Variants in HIPK2 observed in about 807,000 individuals in gnomAD.
The protein encoded by HIPK2 is homeodomain interacting protein kinase 2, also known as homeodomain-interacting protein kinase 2.
HIPK2 carries 27 observed loss-of-function variants against 113.7 expected under a neutral mutation model. That is an observed-to-expected ratio of 0.24 (90% CI 0.17 to 0.33). The LOEUF is 0.33. Among genes scored for constraint, HIPK2 ranks in the 10% least tolerant of loss-of-function variants. HIPK2 has a pLI of 1.00. For synonymous variants in HIPK2, 631 were observed against 642.2 expected (o/e 0.98, Z 0.26); for missense variants, 1,257 against 1,588.0 (o/e 0.79, Z 3.54).
chr7:139,599,817 G>C (rs1182003356), intron 11 of HIPK2, among the ~76,000 whole-genome samples: 2 of 152,158 alleles, frequency 1.3e-5, no homozygotes, highest in Non-Finnish European at 2.9e-5. Flanking sequence ...AAGATAATTT[G>C]CTTCACCAAA....
In HIPK2 at chr7:139,571,193, C is replaced by T. The variant is rs1347422447; in HGVS notation, c.*1734G>A. On this transcript the variant is annotated 3_prime_UTR_variant, in exon 15 of 15. Transcript: ENST00000406875. ...TGTGAGGAGAGAATTCAACAGCAAA[C>T]AGAGGTTGGTGGTTGTCTACAGAGG... 1 of 152,296 alleles carries T rather than the reference C, an allele frequency of 6.6e-6. No homozygotes were observed. The highest frequency in any genetic ancestry group is 2.4e-5 in the African/African-American group (1 of 41,458). 9.4% of individuals were successfully genotyped at this position (152,296 alleles called of 1,614,324 possible).
rs980787195 is a variant in HIPK2 at position 139,570,991 on chromosome 7, T to A, written c.*1936A>T. The A allele has an allele frequency of 6.6e-6, 1 of 152,194 alleles. No individual in the cohort carries two copies. Among genetic ancestry groups the A allele is most frequent in the Non-Finnish European group, 1.5e-5 (1 of 68,044 alleles). The allele number at this position is 152,194 out of a possible 1,614,324, so 9.4% of individuals were successfully genotyped here. On this transcript the variant is annotated 3_prime_UTR_variant, in exon 15 of 15. Coordinates refer to ENST00000406875, the MANE Select transcript of HIPK2 (RefSeq NM_022740.5). Reference sequence around the variant, plus strand: ...CCAAAGCCTGAGAAAACTTCCAGAATGTATCAAAGGTGCAAAGAGGGCAAA... The same window carrying A: ...CCAAAGCCTGAGAAAACTTCCAGAAAGTATCAAAGGTGCAAAGAGGGCAAA...
At chr7:139,723,427 C>T (rs1440871789) in intron 1 of HIPK2, among the ~76,000 whole-genome samples, 1 of 152,198 alleles carries the variant, frequency 6.6e-6, no homozygotes, top group African/African-American at 2.4e-5. Flanking sequence ...CTCTTGACCT[C>T]AGGTGATCCA....
intron 2 of HIPK2, among the ~76,000 whole-genome samples, chr7:139,633,632 T>C (rs757169202): frequency 6.9e-6 from 1 of 144,032 alleles, no homozygotes; most frequent in African/African-American, 2.6e-5. Flanking sequence ...GGCAACAGAG[T>C]GAGACCCTGT....
chr7:139,681,526 C>T (rs1230542128), intron 2 of HIPK2, among the ~76,000 whole-genome samples: 2 of 152,194 alleles, frequency 1.3e-5, no homozygotes, highest in Non-Finnish European at 2.9e-5. Context: ...CTGCACTCCC[C>T]TCGCCTCCTC....
intron 1 of HIPK2, among the ~76,000 whole-genome samples, chr7:139,725,396 C>T (rs895545873): frequency 6.6e-6 from 1 of 152,200 alleles, no homozygotes. Context: ...AGACTCATGG[C>T]GGGAGCGGCC....
chr7:139,759,364 G>A (rs1306689585), intron 1 of HIPK2, among the ~76,000 whole-genome samples: 1 of 152,160 alleles, frequency 6.6e-6, no homozygotes, highest in Non-Finnish European at 1.5e-5. Context: ...AACCCTACAG[G>A]AAGAATTTGT....
At chr7:139,751,566 GGATGGATGGATGGTTGGATGGATA>G (rs1796278652) in intron 1 of HIPK2, among the ~76,000 whole-genome samples, 1 of 148,994 alleles carries the variant, frequency 6.7e-6, no homozygotes, top group Non-Finnish European at 1.5e-5. Flanking sequence ...AGGGAGGGAT[GGATGGATGGATGGTTGGATGGATA>G]GATGGATGGA....
chr7:139,752,733 A>G (rs920430901), intron 1 of HIPK2, among the ~76,000 whole-genome samples: 9 of 151,900 alleles, frequency 5.9e-5, no homozygotes, highest in Non-Finnish European at 8.8e-5. Context: ...TGAAAAAAAA[A>G]AAAAAAAGAA....
intron 9 of HIPK2, among the ~76,000 whole-genome samples, chr7:139,612,765 T>C (rs1799881992): frequency 1.3e-5 from 2 of 152,182 alleles, no homozygotes; most frequent in Non-Finnish European, 2.9e-5. Flanking sequence ...CAGCTTACAG[T>C]AACCATGAGC....
At chr7:139,690,477 A>G (rs1304653047) in intron 2 of HIPK2, among the ~76,000 whole-genome samples, 1 of 151,974 alleles carries the variant, frequency 6.6e-6, no homozygotes, top group Non-Finnish European at 1.5e-5. Context: ...TGAACGGCTT[A>G]GTGTTGTCCT....
intron 13 of HIPK2, among the ~76,000 whole-genome samples, chr7:139,575,841 G>A (rs1798473308): frequency 6.6e-6 from 1 of 152,226 alleles, no homozygotes; most frequent in East Asian, 1.9e-4. Context: ...ATGAAAACAA[G>A]TCTGGCCCCC....
chr7:139,679,326 T>G (rs554816804), intron 2 of HIPK2, among the ~76,000 whole-genome samples: 1 of 152,160 alleles, frequency 6.6e-6, no homozygotes, highest in African/African-American at 2.4e-5. Flanking sequence ...TAATCACCTC[T>G]TAAAGGCCCT....
Position 139,714,863 on chromosome 7 carries a change from T to C in HIPK2, c.1103+1069A>G, listed in dbSNP as rs1051775281. On this transcript the variant is annotated intron_variant, in intron 2 of 14. Coordinates refer to ENST00000406875, the MANE Select transcript of HIPK2 (RefSeq NM_022740.5). This position sits in a 1 kb window ranked among gnomAD's most constrained non-coding sequence, Gnocchi z 4.2. ...CCGCCTCCCCGCTGTGCACCCGCCA[T>C]GGCCAGCCACGGAGTGACACACCTA... 7.9e-5 allele frequency among the ~76,000 whole-genome samples: 12 copies of C among 152,316 alleles called. No homozygotes were observed. In the South Asian group the frequency reaches 1.2e-3, roughly 16 times the overall value.
Position 139,767,926 on chromosome 7 carries a change from A to G in HIPK2, c.19+9679T>C, listed in dbSNP as rs60807024. On this transcript the variant is annotated intron_variant, in intron 1 of 14. Transcript: ENST00000406875. ...CTCCCAACATGGGCTGTGCCCATTC[A>G]TAGGCTGAGCACCCACCCTCTTCTT... is the stretch of plus-strand genomic sequence containing the variant. Among the ~76,000 whole-genome samples the G allele has an allele frequency of 1.4e-3, 206 of 152,358 alleles. 1 individual carries two copies. The highest frequency in any genetic ancestry group is 4.7e-3 in the African/African-American group (195 of 41,590).
At chr7:139,697,497 C>A (rs1794598624) in intron 2 of HIPK2, among the ~76,000 whole-genome samples, 1 of 152,106 alleles carries the variant, frequency 6.6e-6, no homozygotes, top group African/African-American at 2.4e-5. Context: ...AATGCTAGGT[C>A]CCACGTACAA....
In HIPK2 at chr7:139,561,730, A is replaced by G. The variant is rs1170534940; in HGVS notation, c.*11197T>C. On this transcript the variant is annotated 3_prime_UTR_variant, in exon 15 of 15. Transcript: ENST00000406875. ...AAAAAGAAACTATGAGTAACAAGCT[A>G]TAACATAGTTCACCACAATGGGACC... 5 of 151,152 alleles carry G rather than the reference A, an allele frequency of 3.3e-5. No homozygotes were observed. The highest frequency in any genetic ancestry group is 7.4e-5 in the Non-Finnish European group (5 of 67,946). 9.4% of individuals were successfully genotyped at this position (151,152 alleles called of 1,614,324 possible).
chr7:139,670,582 A>C (rs75819065), intron 2 of HIPK2, among the ~76,000 whole-genome samples: 1 of 146,440 alleles, frequency 6.8e-6, no homozygotes, highest in Non-Finnish European at 1.5e-5. Context: ...CCCTGTCTTG[A>C]AAAAAAAAAA....
chr7:139,654,897 A>AGCTGTTGAAGGGATT (rs1254129223), intron 2 of HIPK2, among the ~76,000 whole-genome samples: 10 of 152,328 alleles, frequency 6.6e-5, no homozygotes, highest in African/African-American at 2.4e-4. Flanking sequence ...GTTAAATAAA[A>AGCTGTTGAAGGGATT]GCTGTTGAAG....
Sources: allele counts gnomAD v4.1 joint callset (sites outside exome capture counted in the v4.1 genomes callset), GRCh38; gene constraint gnomAD v4.1.1; non-coding constraint Gnocchi (gnomAD v3.1); transcripts MANE v1.5; gene names NCBI Gene and HGNC (gene_info 2026-07-23, HGNC 2026-07-21).